Variants in NRF1 observed in about 807,000 individuals in gnomAD.
NRF1 encodes the protein alpha palindromic-binding protein.
Under a neutral mutation model 58.5 loss-of-function variants are expected in NRF1, and 5 were observed. The observed-to-expected ratio is 0.09, with a 90% confidence interval of 0.04 to 0.18. The LOEUF is 0.18. Among genes scored for constraint, NRF1 ranks in the 10% least tolerant of loss-of-function variants. The pLI is 1.00. For missense variants in NRF1, 288 were observed against 657.7 expected (o/e 0.44, Z 6.15); for synonymous variants, 224 against 246.7 (o/e 0.91, Z 0.86).
At chr7:129,739,558 T>C (rs1486559927) in intron 10 of NRF1, among the ~76,000 whole-genome samples, 3 of 145,930 alleles carry the variant, frequency 2.1e-5, no homozygotes, top group African/African-American at 7.4e-5. Context: ...AAAAAAAAAA[T>C]CTACCCATGT....
intron 2 of NRF1, among the ~76,000 whole-genome samples, chr7:129,665,274 G>A (rs1442121476): frequency 6.6e-6 from 1 of 152,216 alleles, no homozygotes. Context: ...ATTTCGAGAG[G>A]CAGCAGAGCA....
chr7:129,653,378 G>A (rs1584610214), intron 1 of NRF1, among the ~76,000 whole-genome samples: 2 of 152,218 alleles, frequency 1.3e-5, no homozygotes, highest in East Asian at 1.9e-4. Flanking sequence ...CACTTGCACA[G>A]CCTCCCCCAC....
At chr7:129,611,933 C>G (rs1302103741) in intron 1 of NRF1, 109 bp downstream of exon 1, 1 of 148,542 alleles carries the variant, frequency 6.7e-6, no homozygotes, top group Non-Finnish European at 1.5e-5. Context: ...CCCTGCCGCC[C>G]CCGGCTCTGG....
At chr7:129,745,542 A>T (rs1803957706) in intron 10 of NRF1, among the ~76,000 whole-genome samples, 1 of 125,974 alleles carries the variant, frequency 7.9e-6, no homozygotes, top group African/African-American at 2.9e-5. Flanking sequence ...GTCTTCCATG[A>T]AACTAGTCCC....
intron 9 of NRF1, 83 bp downstream of exon 9, chr7:129,717,459 G>A (rs1029713560): frequency 1.4e-5 from 20 of 1,410,444 alleles, no homozygotes; most frequent in African/African-American, 2.9e-5. Flanking sequence ...AGAGAAATGT[G>A]TCTCTGTTTG....
chr7:129,645,063 AT>A (rs925804028), intron 1 of NRF1, among the ~76,000 whole-genome samples: 6 of 151,310 alleles, frequency 4.0e-5, no homozygotes, highest in African/African-American at 1.5e-4. Context: ...AAAAAAAAAA[AT>A]CATGTAACTG....
At chr7:129,619,429 T>TACAC (rs1384098912) in intron 1 of NRF1, among the ~76,000 whole-genome samples, 12 of 75,160 alleles carry the variant, frequency 1.6e-4, no homozygotes, top group African/African-American at 6.4e-4. Flanking sequence ...TATATATATA[T>TACAC]ATATACACAC....
rs1256188708 is a variant in NRF1, at chr7:129,628,748, A to G, written c.-7+16924A>G. Among the ~76,000 whole-genome samples, 7 of 152,220 alleles carry G rather than the reference A, an allele frequency of 4.6e-5. No homozygotes were observed. The East Asian group carries it at 1.3e-3, about 29-fold the overall frequency. On this transcript the variant is annotated intron_variant, in intron 1 of 10. Coordinates refer to ENST00000393232, the MANE Select transcript of NRF1 (RefSeq NM_005011.5). ...ATTGTGGATATTCTTTGATATATTA[A>G]AACTCAGCAGTGGTAGTTTCTTAAA...
intron 1 of NRF1, among the ~76,000 whole-genome samples, chr7:129,651,799 A>G (rs917941655): frequency 6.6e-6 from 1 of 152,238 alleles, no homozygotes; most frequent in African/African-American, 2.4e-5. Context: ...GTTTTAGAGT[A>G]GTACAAATCT....
chr7:129,647,021 G>A (rs1801421374), intron 1 of NRF1, among the ~76,000 whole-genome samples: 1 of 152,098 alleles, frequency 6.6e-6, no homozygotes, highest in Non-Finnish European at 1.5e-5. Context: ...TGACTTCAGT[G>A]AGCTTACAGT....
At chr7:129,703,786 C>G (rs1230738674) in intron 5 of NRF1, among the ~76,000 whole-genome samples, 2 of 152,136 alleles carry the variant, frequency 1.3e-5, no homozygotes, top group East Asian at 1.9e-4. Flanking sequence ...TGTATGCCAG[C>G]AGCTGATTTC....
At position 129,755,204 on chromosome 7, in the gene NRF1, G is replaced by T; in HGVS notation, c.*23G>T. The T allele has an allele frequency of 6.5e-7, 1 of 1,538,030 alleles. No homozygotes were observed. The highest frequency in any genetic ancestry group is 8.8e-7 in the Non-Finnish European group (1 of 1,140,604). Reference sequence around the variant, plus strand: ...TGACATACAGCCATATTATGGCATCGTTTTCTAGTCTACTTCAAAATTTTT... The same window carrying T: ...TGACATACAGCCATATTATGGCATCTTTTTCTAGTCTACTTCAAAATTTTT... On this transcript the variant is annotated 3_prime_UTR_variant, in exon 11 of 11. Coordinates refer to ENST00000393232, the MANE Select transcript of NRF1 (RefSeq NM_005011.5). This position sits in a 1 kb window ranked among gnomAD's most constrained non-coding sequence, Gnocchi z 5.8.
At chr7:129,753,120 G>T (rs1168991411) in intron 10 of NRF1, among the ~76,000 whole-genome samples, 1 of 117,676 alleles carries the variant, frequency 8.5e-6, no homozygotes, top group Non-Finnish European at 1.8e-5. Flanking sequence ...CATTGGAAAA[G>T]AAAATCTTAT....
At chr7:129,716,388 G>C (rs1803189699) in intron 8 of NRF1, among the ~76,000 whole-genome samples, 1 of 152,054 alleles carries the variant, frequency 6.6e-6, no homozygotes, top group African/African-American at 2.4e-5. Context: ...CTTTGATACA[G>C]TTTGAAATTT....
intron 4 of NRF1, among the ~76,000 whole-genome samples, chr7:129,685,000 G>T (rs910117704): frequency 6.6e-6 from 1 of 152,202 alleles, no homozygotes; most frequent in Non-Finnish European, 1.5e-5. Flanking sequence ...GCCACAGCCT[G>T]CAGCCTGGCT....
chr7:129,721,214 G>A (rs1209644957), intron 9 of NRF1, among the ~76,000 whole-genome samples: 1 of 151,976 alleles, frequency 6.6e-6, no homozygotes, highest in Non-Finnish European at 1.5e-5. Flanking sequence ...AATATGGCCA[G>A]TATAGTCCTT....
At chr7:129,641,280 T>G (rs1384736039) in intron 1 of NRF1, among the ~76,000 whole-genome samples, 1 of 152,212 alleles carries the variant, frequency 6.6e-6, no homozygotes, top group Non-Finnish European at 1.5e-5. Flanking sequence ...TATATTACTT[T>G]GAAAGTCATT....
intron 4 of NRF1, among the ~76,000 whole-genome samples, chr7:129,681,558 A>G (rs1299344987): frequency 6.6e-6 from 1 of 152,148 alleles, no homozygotes; most frequent in African/African-American, 2.4e-5. Context: ...TTTAATATTG[A>G]TAAGAAGTAT....
intron 4 of NRF1, among the ~76,000 whole-genome samples, chr7:129,686,499 C>T (rs899736122): frequency 3.9e-5 from 6 of 152,182 alleles, no homozygotes; most frequent in Non-Finnish European, 7.3e-5. Flanking sequence ...TTTTTGGCTA[C>T]ACTTCTTACT....
Sources: gnomAD v4.1 joint callset for allele counts (sites outside exome capture counted in the v4.1 genomes callset) on GRCh38, gnomAD v4.1.1 for gene constraint, Gnocchi (gnomAD v3.1) non-coding constraint, MANE v1.5 for transcripts, NCBI Gene and HGNC (gene_info 2026-07-23, HGNC 2026-07-21) for gene names.